The following IL7 variants were observed in gnomAD, a reference collection of about 807,000 sequenced individuals.
IL7 encodes interleukin-7.
In IL7, 3 loss-of-function variants were observed where a neutral mutation model predicts 21.6. The ratio of observed to expected loss-of-function variants is 0.14; its 90% CI spans 0.06 to 0.36. The LOEUF (loss-of-function observed/expected upper bound fraction) is 0.36. Among genes scored for constraint, IL7 ranks in the 10% least tolerant of loss-of-function variants. The pLI, the probability that IL7 is intolerant of heterozygous loss-of-function variation, is 1.00. For synonymous variants in IL7, 62 were observed against 68.1 expected (o/e 0.91, Z 0.44); for missense variants, 175 against 200.2 (o/e 0.87, Z 0.76).
Position 78,733,654 on chromosome 8 carries a change from G to A in IL7, c.*59C>T. The A allele has an allele frequency of 6.4e-7, 1 of 1,560,076 alleles. No individual in the cohort carries two copies. Among genetic ancestry groups the A allele is most frequent in the South Asian group, 1.2e-5 (1 of 83,606 alleles). On this transcript the variant is annotated 3_prime_UTR_variant, in exon 6 of 6. Transcript: ENST00000263851. ...TCCACTCTGAAAAACTGCATAAGCA[G>A]ATAGATTCTTGGAGGATGCAGCTAA... is the stretch of plus-strand genomic sequence containing the variant.
intron 5 of IL7, among the ~76,000 whole-genome samples, chr8:78,734,383 A>G (rs1234237378): frequency 1.3e-5 from 2 of 152,196 alleles, no homozygotes; most frequent in African/African-American, 4.8e-5. Context: ...GTAGGAAGAA[A>G]GAGATACTTG....
intron 3 of IL7, among the ~76,000 whole-genome samples, chr8:78,687,778 ATATT>A (rs971092467): frequency 4.6e-5 from 6 of 131,010 alleles, no homozygotes; most frequent in African/African-American, 1.7e-4. Flanking sequence ...CATTATATAT[ATATT>A]TACGTAATAC....
intron 2 of IL7, among the ~76,000 whole-genome samples, chr8:78,791,612 C>T (rs1813696700): frequency 6.6e-6 from 1 of 152,120 alleles, no homozygotes; most frequent in South Asian, 2.1e-4. Flanking sequence ...TGCACTCCAG[C>T]CTGGGTGATG....
chr8:78,715,437 T>A, downstream of IL7: 2 of 1,020,490 alleles, frequency 2.0e-6, no homozygotes, highest in Non-Finnish European at 2.7e-6. Flanking sequence ...AAAACCTGAT[T>A]TTTTTCTTTT....
intron 3 of IL7, among the ~76,000 whole-genome samples, chr8:78,689,779 G>A (rs942589469): frequency 6.6e-6 from 1 of 151,948 alleles, no homozygotes; most frequent in Non-Finnish European, 1.5e-5. Context: ...ATTTTCTTAA[G>A]GATGTCTTTT....
chr8:78,743,642 A>C (rs531499853), intron 2 of IL7, among the ~76,000 whole-genome samples: 1 of 152,114 alleles, frequency 6.6e-6, no homozygotes, highest in Non-Finnish European at 1.5e-5. Flanking sequence ...GTACTTCTCT[A>C]TACTGGCTAT....
intron 3 of IL7, among the ~76,000 whole-genome samples, chr8:78,688,648 A>T (rs1810104304): frequency 6.6e-6 from 1 of 152,110 alleles, no homozygotes; most frequent in Admixed American, 6.6e-5. Context: ...AAGATATTTT[A>T]TCTTGGAAAC....
At chr8:78,794,676 C>T (rs1358343520) in intron 2 of IL7, among the ~76,000 whole-genome samples, 1 of 152,094 alleles carries the variant, frequency 6.6e-6, no homozygotes, top group Non-Finnish European at 1.5e-5. Flanking sequence ...AAAATTGCTT[C>T]TTTACTACTT....
At chr8:78,744,783 A>G (rs185399734) in intron 2 of IL7, among the ~76,000 whole-genome samples, 45 of 152,320 alleles carry the variant, frequency 3.0e-4, no homozygotes, top group Non-Finnish European at 6.3e-4. Context: ...ATCTCTGTGT[A>G]TTAGACTGAA....
intron 2 of IL7, among the ~76,000 whole-genome samples, chr8:78,795,860 C>A (rs1294778724): frequency 6.6e-6 from 1 of 151,962 alleles, no homozygotes; most frequent in Non-Finnish European, 1.5e-5. Context: ...TTACAATGTA[C>A]AGTGTAGCAC....
At chr8:78,676,010 C>G (rs1234810968) in exon 5 of IL7, 5 of 509,298 alleles carry the variant, frequency 9.8e-6, no homozygotes, top group Non-Finnish European at 1.3e-5. Context: ...TTGATTTCAG[C>G]TATGCCATTC....
chr8:78,784,718 G>C (rs1813453543), intron 2 of IL7, among the ~76,000 whole-genome samples: 1 of 151,920 alleles, frequency 6.6e-6, no homozygotes, highest in Admixed American at 6.6e-5. Context: ...ACAGTAGCAA[G>C]AACCATGAGG....
intron 1 of IL7, among the ~76,000 whole-genome samples, chr8:78,803,166 C>G (rs1469590974): frequency 6.6e-6 from 1 of 151,994 alleles, no homozygotes; most frequent in East Asian, 1.9e-4. Context: ...AATATTAGTT[C>G]TCTATTATTA....
intron 3 of IL7, among the ~76,000 whole-genome samples, chr8:78,692,879 C>T (rs983858133): frequency 6.6e-6 from 1 of 152,088 alleles, no homozygotes; most frequent in Non-Finnish European, 1.5e-5. Context: ...TATCCCTCCC[C>T]ACTCCCCCCA....
In IL7 at chr8:78,762,595, A is replaced by G. The variant is rs1028677428; in HGVS notation, c.148-22513T>C. 9.3e-5 allele frequency among the ~76,000 whole-genome samples: 14 copies of G among 150,798 alleles called. No homozygotes were observed. The East Asian group carries it at 2.0e-3, about 21-fold the overall frequency. ...GCTAGAAGCCGCCGGGTTCTTTTTT[A>G]TATCTGTCTCTCTTTCTTGAAATTC... is the stretch of plus-strand genomic sequence containing the variant. On this transcript the variant is annotated intron_variant, in intron 2 of 5. Coordinates refer to ENST00000263851, the MANE Select transcript of IL7 (RefSeq NM_000880.4).
chr8:78,778,030 C>T (rs996060576), intron 2 of IL7, among the ~76,000 whole-genome samples: 1 of 152,036 alleles, frequency 6.6e-6, no homozygotes, highest in Non-Finnish European at 1.5e-5. Context: ...ATCTAATTAC[C>T]AAGCCCCCAG....
At chr8:78,782,430 C>T (rs1410063108) in intron 2 of IL7, among the ~76,000 whole-genome samples, 3 of 152,050 alleles carry the variant, frequency 2.0e-5, no homozygotes. Flanking sequence ...GTTGTTGTTG[C>T]TTTCTGTTTG....
At chr8:78,777,155 A>G (rs981103632) in intron 2 of IL7, among the ~76,000 whole-genome samples, 2 of 152,108 alleles carry the variant, frequency 1.3e-5, no homozygotes, top group African/African-American at 4.8e-5. Flanking sequence ...ATGGTAAAGA[A>G]GCTAGATAAT....
intron 2 of IL7, among the ~76,000 whole-genome samples, chr8:78,745,991 G>T (rs1214188177): frequency 6.6e-6 from 1 of 152,026 alleles, no homozygotes; most frequent in Non-Finnish European, 1.5e-5. Context: ...GAAGGAACTT[G>T]TGATAGCATT....
Sources: gnomAD v4.1 joint callset for allele counts (sites outside exome capture counted in the v4.1 genomes callset) on GRCh38, gnomAD v4.1.1 for gene constraint, MANE v1.5 for transcripts, NCBI Gene and HGNC (gene_info 2026-07-23, HGNC 2026-07-21) for gene names.